The following SLC44A3 variants were observed in gnomAD, a reference collection of about 807,000 sequenced individuals.
The protein encoded by SLC44A3 is solute carrier family 44 member 3.
In SLC44A3, 74 loss-of-function variants were observed where a neutral mutation model predicts 75.4. The observed-to-expected ratio is 0.98, with a 90% confidence interval of 0.81 to 1.19. The LOEUF is 1.19. SLC44A3 is among the 50% of genes most tolerant of loss of function. The pLI, the probability that SLC44A3 is intolerant of heterozygous loss-of-function variation, is 0.00. For synonymous variants in SLC44A3, 310 were observed against 296.9 expected, an observed-to-expected ratio of 1.04 and a Z score of -0.45; for missense variants, 700 against 778.6, an observed-to-expected ratio of 0.90 and a Z score of 1.20.
intron 12 of SLC44A3, 106 bp downstream of exon 12, chr1:94,867,523 T>A: frequency 1.3e-6 from 1 of 779,664 alleles, no homozygotes; most frequent in Non-Finnish European, 1.9e-6. Flanking sequence ...CTAAATTGTG[T>A]AAACATTTTA....
intron 10 of SLC44A3, among the ~76,000 whole-genome samples, chr1:94,864,470 A>T (rs983019087): frequency 1.2e-4 from 19 of 152,212 alleles, no homozygotes; most frequent in African/African-American, 4.6e-4. Context: ...GGGTTGGTGG[A>T]TGGGCTCTGC....
At chr1:94,872,409 T>C (rs1667856891) in intron 12 of SLC44A3, among the ~76,000 whole-genome samples, 1 of 151,038 alleles carries the variant, frequency 6.6e-6, no homozygotes, top group Non-Finnish European at 1.5e-5. Context: ...TGTTTATTCA[T>C]TCTTTTTTTT....
intron 12 of SLC44A3, among the ~76,000 whole-genome samples, chr1:94,877,869 C>G (rs913548910): frequency 6.6e-6 from 1 of 152,056 alleles, no homozygotes; most frequent in South Asian, 2.1e-4. Flanking sequence ...CGGGATGCAC[C>G]CCAGTGTGGG....
Position 94,842,027 on chromosome 1 carries a change from A to G in SLC44A3, c.788A>G (p.Tyr263Cys), listed in dbSNP as rs780413694. Reference protein sequence around the residue: ...LFVCGVLWWLYYDYTNDLSIE... With the variant: ...LFVCGVLWWLCYDYTNDLSIE... Reference sequence around the variant, plus strand: ...GTCTGCGGTGTTTTATGGTGGCTGTATTATGACTATACCAACGACCTCAGC... The same window carrying G: ...GTCTGCGGTGTTTTATGGTGGCTGTGTTATGACTATACCAACGACCTCAGC... Residue 263 changes from tyrosine (Y) to cysteine (C), a missense_variant, in exon 8 of 15, where the codon TAT (tyrosine) becomes TGT (cysteine). Tyr to Cys is a radical substitution (Grantham distance 194). Coordinates refer to ENST00000271227, the MANE Select transcript of SLC44A3 (RefSeq NM_001114106.3). 7.4e-6 allele frequency: 12 copies of G among 1,613,204 alleles called. No homozygotes were observed. The highest frequency in any genetic ancestry group is 2.2e-5 in the East Asian group (1 of 44,794).
intron 10 of SLC44A3, among the ~76,000 whole-genome samples, chr1:94,860,535 A>G (rs1050703241): frequency 6.6e-6 from 1 of 152,186 alleles, no homozygotes; most frequent in Admixed American, 6.5e-5. Flanking sequence ...TTCCCGAGGG[A>G]AAAAAGATCA....
chr1:94,827,692 G>C (rs775451837), intron 4 of SLC44A3, 49 bp downstream of exon 4: 5 of 1,606,438 alleles, frequency 3.1e-6, no homozygotes, highest in Non-Finnish European at 4.3e-6. Flanking sequence ...GGGGTAAGCT[G>C]TGGGGACCTA....
chr1:94,892,171 G>GCA (rs907299403), intron 13 of SLC44A3, 110 bp from the exon 14 acceptor site: 6 of 970,808 alleles, frequency 6.2e-6, no homozygotes, highest in South Asian at 1.6e-5. Context: ...TTACAATAGT[G>GCA]CACACACACG....
At chr1:94,873,097 A>G (rs564416975) in intron 12 of SLC44A3, among the ~76,000 whole-genome samples, 1 of 152,360 alleles carries the variant, frequency 6.6e-6, no homozygotes, top group Admixed American at 6.5e-5. Flanking sequence ...GTGATGAGAT[A>G]CTGGTCAAAT....
chr1:94,837,783 G>C lies in SLC44A3; in HGVS notation c.582G>C (p.Leu194Phe). The C allele has an allele frequency of 6.2e-7, 1 of 1,612,376 alleles. No individual in the cohort carries two copies. The highest frequency in any genetic ancestry group is 2.2e-5 in the East Asian group (1 of 44,708). The stretch of plus-strand genomic sequence containing the variant: ...GCTACTCCCTATTTGCATCTGTTTT[G>C]ATAAATGATGTTGACACCCTCCACC... Reference protein sequence around the residue: ...PECYSLFASVLINDVDTLHRI... With the variant: ...PECYSLFASVFINDVDTLHRI... The change falls in exon 6 of 15, where the codon TTG becomes TTC. Residue 194 changes from leucine to phenylalanine, a missense_variant. Physicochemically the swap from Leu to Phe is conservative, Grantham distance 22 (BLOSUM62 0). Transcript: ENST00000271227.
intron 6 of SLC44A3, 56 bp from the exon 7 acceptor site, chr1:94,839,892 C>A: frequency 7.8e-7 from 1 of 1,278,192 alleles, no homozygotes; most frequent in Non-Finnish European, 1.1e-6. Flanking sequence ...GTACTACCAT[C>A]ATCTCCCCTA....
chr1:94,888,507 T>G (rs1669845420), intron 12 of SLC44A3, among the ~76,000 whole-genome samples: 1 of 152,122 alleles, frequency 6.6e-6, no homozygotes, highest in African/African-American at 2.4e-5. Context: ...AGTAAATGAG[T>G]TTCCACATCC....
At chr1:94,885,164 C>T (rs1669425060) in intron 12 of SLC44A3, among the ~76,000 whole-genome samples, 1 of 131,408 alleles carries the variant, frequency 7.6e-6, no homozygotes, top group Non-Finnish European at 1.5e-5. Context: ...AATCAATTGA[C>T]CACAGGAATA....
rs1660450527 is a variant in SLC44A3 at position 94,820,748 on chromosome 1, T to C, written c.28-201T>C. The C allele has an allele frequency of 2.2e-6, 3 of 1,392,908 alleles. No homozygotes were observed. In the Admixed American group the frequency reaches 9.0e-5, roughly 42 times the overall value. The allele number at this position is 1,392,908 out of a possible 1,614,324, so 86.3% of individuals were successfully genotyped here. On this transcript the variant is annotated intron_variant, in intron 1 of 14. Coordinates refer to ENST00000271227, the MANE Select transcript of SLC44A3 (RefSeq NM_001114106.3). ...GGTAAGCACTTGGCGGCAGGGGGCT[T>C]AACATCCGCTCCGCGCAGAGCAGGT... is the stretch of plus-strand genomic sequence containing the variant.
At position 94,821,059 on chromosome 1, in the gene SLC44A3, A is replaced by T. The variant is rs1660504334; in HGVS notation, c.135+3A>T. 2 of 1,549,946 alleles carry T rather than the reference A, an allele frequency of 1.3e-6. No homozygotes were observed. Among genetic ancestry groups the T allele is most frequent in the Non-Finnish European group, 1.7e-6 (2 of 1,145,760 alleles). On this transcript the variant is annotated splice_donor_region_variant and intron_variant, in intron 2 of 14. Coordinates refer to ENST00000271227, the MANE Select transcript of SLC44A3 (RefSeq NM_001114106.3). Reference sequence around the variant, plus strand: ...TCTTTCTCTTTTGGACTGGTTTGGTAAGTGTGGGTGCTTGGTAGGAAAGAG... The same window carrying T: ...TCTTTCTCTTTTGGACTGGTTTGGTTAGTGTGGGTGCTTGGTAGGAAAGAG...
At chr1:94,863,994 C>T (rs963588344) in intron 10 of SLC44A3, among the ~76,000 whole-genome samples, 11 of 152,178 alleles carry the variant, frequency 7.2e-5, no homozygotes, top group South Asian at 2.1e-4. Flanking sequence ...CTGGCTTCAG[C>T]GGGAATTCAA....
intron 12 of SLC44A3, among the ~76,000 whole-genome samples, chr1:94,884,182 T>C (rs926128502): frequency 6.6e-6 from 1 of 152,206 alleles, no homozygotes; most frequent in African/African-American, 2.4e-5. Context: ...CCACCCCACC[T>C]CCCACCTGGC....
At chr1:94,834,659 A>G (rs547827896) in intron 5 of SLC44A3, among the ~76,000 whole-genome samples, 1 of 151,960 alleles carries the variant, frequency 6.6e-6, no homozygotes, top group South Asian at 2.1e-4. Context: ...TAGTTTTTGT[A>G]TTTTTAATAG....
At chr1:94,859,539 A>G (rs986795158) in intron 10 of SLC44A3, among the ~76,000 whole-genome samples, 1 of 152,244 alleles carries the variant, frequency 6.6e-6, no homozygotes, top group African/African-American at 2.4e-5. Flanking sequence ...AGAATCCCAG[A>G]GAGGCTCAGG....
rs1306496167 is a variant in SLC44A3, at chr1:94,846,174, C to T, written c.1072+710C>T. 2.6e-5 allele frequency among the ~76,000 whole-genome samples: 4 copies of T among 151,720 alleles called. No individual in the cohort carries two copies. The East Asian group carries it at 5.8e-4, about 22-fold the overall frequency. On this transcript the variant is annotated intron_variant, in intron 9 of 14. Transcript: ENST00000271227. ...AAAAAAAAAAAAAAAGTGTTATGCCCAGCAGAGCCAGTGTACATTTAAAGC... is the reference window on the plus strand; with the variant it reads ...AAAAAAAAAAAAAAAGTGTTATGCCTAGCAGAGCCAGTGTACATTTAAAGC...
Sources: allele counts gnomAD v4.1 joint callset (sites outside exome capture counted in the v4.1 genomes callset), GRCh38; gene constraint gnomAD v4.1.1; transcripts MANE v1.5; gene names NCBI Gene and HGNC (gene_info 2026-07-23, HGNC 2026-07-21).